The following SOX6 variants were observed in gnomAD, a reference collection of about 807,000 sequenced individuals.
SOX6 encodes the protein SRY-box transcription factor 6.
In SOX6, 11 loss-of-function variants were observed where a neutral mutation model predicts 97.8. That is an observed-to-expected ratio of 0.11 (90% CI 0.07 to 0.19). SOX6 has a LOEUF of 0.19. Among genes scored for constraint, SOX6 ranks in the 10% least tolerant of loss-of-function variants. SOX6 has a pLI of 1.00. For missense variants in SOX6, 810 were observed against 1,039.5 expected (o/e 0.78, Z 3.04); for synonymous variants, 360 against 371.4 (o/e 0.97, Z 0.35).
At chr11:16,451,051 C>T (rs550433943) in intron 1 of SOX6, among the ~76,000 whole-genome samples, 6 of 151,948 alleles carry the variant, frequency 3.9e-5, no homozygotes, top group Admixed American at 2.0e-4. Flanking sequence ...GGCAACATGG[C>T]GAAACACTGT....
intron 1 of SOX6, among the ~76,000 whole-genome samples, chr11:16,437,427 T>C (rs974908845): frequency 6.6e-6 from 1 of 152,206 alleles, no homozygotes; most frequent in Non-Finnish European, 1.5e-5. Context: ...ACAGCAGAGA[T>C]GTTTTATATA....
Position 16,132,297 on chromosome 11 carries a change from AGG to A in SOX6, c.778-20376_778-20375del, listed in dbSNP as rs1352106141. ...AAGGAAGGAAGGAAGGAAGGAAGGAAGGAAGGAAGGAAGGAAGGAAGGAAGGA... is the reference window on the plus strand; with the variant it reads ...AAGGAAGGAAGGAAGGAAGGAAGGAAAAGGAAGGAAGGAAGGAAGGAAGGA... On this transcript the variant is annotated intron_variant, in intron 6 of 15. Transcript: ENST00000683767. Among the ~76,000 whole-genome samples, 75 of 116,670 alleles carry A rather than the reference AGG, an allele frequency of 6.4e-4. 2 individuals are homozygous for A. Among genetic ancestry groups the A allele is most frequent in the African/African-American group, 2.4e-3 (71 of 29,770 alleles). The allele number at this position is 116,670 out of a possible 152,430, so 76.5% of individuals were successfully genotyped here. A position where few individuals can be genotyped will look rare whatever the true frequency, so the allele number is the denominator to read the frequency against.
intron 6 of SOX6, among the ~76,000 whole-genome samples, chr11:16,147,899 G>T (rs1392096929): frequency 2.0e-5 from 3 of 152,130 alleles, no homozygotes; most frequent in Non-Finnish European, 2.9e-5. Flanking sequence ...CAGAAATACA[G>T]CCTGGCATGA....
rs1485856577 is a variant in SOX6, at chr11:16,679,445, CA to C, written n.429+35384del. The stretch of plus-strand genomic sequence containing the variant: ...AACATCAATAAAATGACATCCACAC[CA>C]AAACCCCACTGTAGGTCACCAACAT... On this transcript the variant is annotated intron_variant and non_coding_transcript_variant, in intron 3 of 5. Coordinates refer to the SOX6 transcript ENST00000524520. Among the ~76,000 whole-genome samples the C allele has an allele frequency of 3.3e-5, 5 of 152,256 alleles. No individual in the cohort carries two copies. The East Asian group carries it at 9.7e-4, about 29-fold the overall frequency.
At chr11:16,681,932 T>G (rs768196563) in intron 3 of SOX6, among the ~76,000 whole-genome samples, 20 of 152,206 alleles carry the variant, frequency 1.3e-4, no homozygotes, top group Non-Finnish European at 2.5e-4. Context: ...AATCTCCGAA[T>G]AGACCAATAA....
At chr11:16,305,962 G>A (rs985773623) in intron 3 of SOX6, among the ~76,000 whole-genome samples, 1 of 152,120 alleles carries the variant, frequency 6.6e-6, no homozygotes, top group African/African-American at 2.4e-5. Flanking sequence ...TTGAAGCAGG[G>A]TAGGTGTGGT....
chr11:16,646,499 T>G (rs1441535486), intron 3 of SOX6, among the ~76,000 whole-genome samples: 1 of 152,014 alleles, frequency 6.6e-6, no homozygotes. Flanking sequence ...CATAGGTTTT[T>G]GGGGAACATG....
At chr11:16,484,656 C>T (rs1184312492) in intron 4 of SOX6, 10 of 638,214 alleles carry the variant, frequency 1.6e-5, no homozygotes, top group Middle Eastern at 3.4e-4. Context: ...TTGCTGAGCA[C>T]GAAGTGGCTG....
At chr11:16,606,957 C>T (rs1848341258) in intron 4 of SOX6, among the ~76,000 whole-genome samples, 1 of 152,232 alleles carries the variant, frequency 6.6e-6, no homozygotes, top group East Asian at 1.9e-4. Context: ...GGCGCCCGGG[C>T]CCCTTTCTCT....
At chr11:16,264,863 A>AAG in intron 3 of SOX6, 1 of 151,384 alleles carries the variant, frequency 6.6e-6, no homozygotes, top group Admixed American at 6.6e-5. Flanking sequence ...AAAAAAAAAA[A>AAG]AAAGAAGCTT....
chr11:16,455,235 G>A (rs531800417), intron 1 of SOX6, among the ~76,000 whole-genome samples: 1 of 152,012 alleles, frequency 6.6e-6, no homozygotes, highest in African/African-American at 2.4e-5. Context: ...TATTGTCTGT[G>A]TCTTTCACCA....
intron 12 of SOX6, among the ~76,000 whole-genome samples, chr11:16,032,440 C>A (rs763318742): frequency 3.6e-4 from 55 of 152,070 alleles, no homozygotes; most frequent in Non-Finnish European, 7.4e-4. Flanking sequence ...TTAATTATTT[C>A]AAATTTTCAT....
chr11:16,642,648 C>T (rs1188024256), intron 3 of SOX6, among the ~76,000 whole-genome samples: 2 of 152,156 alleles, frequency 1.3e-5, no homozygotes, highest in Admixed American at 6.5e-5. Flanking sequence ...TCTCTTCTCG[C>T]TTCATTTCAT....
At chr11:16,546,111 CAA>C (rs77740767) in intron 4 of SOX6, among the ~76,000 whole-genome samples, 25,978 of 149,458 alleles carry the variant, frequency 0.17, 2,743 homozygotes, top group East Asian at 0.32. Flanking sequence ...AAAGCAACAA[CAA>C]AAAAAAATAC....
chr11:16,708,172 T>C (rs537894050), intron 3 of SOX6, among the ~76,000 whole-genome samples: 1 of 152,300 alleles, frequency 6.6e-6, no homozygotes, highest in South Asian at 2.1e-4. Flanking sequence ...CCAATAGAAG[T>C]TATACATGGA....
At position 16,104,645 on chromosome 11, in the gene SOX6, C is replaced by CACAT. The variant is rs143628202; in HGVS notation, c.899-6961_899-6958dup. 5.4e-3 allele frequency among the ~76,000 whole-genome samples: 819 copies of CACAT among 151,664 alleles called. 3 individuals are homozygous for CACAT. Among genetic ancestry groups the CACAT allele is most frequent in the Non-Finnish European group, 6.5e-3 (441 of 67,820 alleles). On this transcript the variant is annotated intron_variant, in intron 7 of 15. Coordinates refer to ENST00000683767, the MANE Select transcript of SOX6 (RefSeq NM_001367873.1). ...TTGGGGGTTATTAAATGAGATTACACACATACACACACACACACATACACA... is the reference window on the plus strand; with the variant it reads ...TTGGGGGTTATTAAATGAGATTACACACATACATACACACACACACACATACACA...
At chr11:16,259,229 G>C (rs1853796080) in intron 3 of SOX6, among the ~76,000 whole-genome samples, 2 of 150,500 alleles carry the variant, frequency 1.3e-5, no homozygotes, top group Non-Finnish European at 3.0e-5. Flanking sequence ...AAATATACAG[G>C]GTGTTTACAT....
chr11:16,534,340 AT>A (rs1376685633), intron 4 of SOX6, among the ~76,000 whole-genome samples: 10 of 152,228 alleles, frequency 6.6e-5, no homozygotes, highest in African/African-American at 2.2e-4. Context: ...GATAACACTG[AT>A]TTTTTTAATA....
intron 2 of SOX6, among the ~76,000 whole-genome samples, chr11:16,324,549 T>A (rs916296734): frequency 6.6e-6 from 1 of 152,152 alleles, no homozygotes; most frequent in Non-Finnish European, 1.5e-5. Context: ...GTTCAAAGTA[T>A]ATTAATAAGA....
Sources: gnomAD v4.1 joint callset for allele counts (sites outside exome capture counted in the v4.1 genomes callset) on GRCh38, gnomAD v4.1.1 for gene constraint, MANE v1.5 for transcripts, NCBI Gene and HGNC (gene_info 2026-07-23, HGNC 2026-07-21) for gene names.